Variants in MCM8 observed in about 807,000 individuals in gnomAD.
The protein encoded by MCM8 is minichromosome maintenance 8 homologous recombination repair factor, also known as DNA helicase MCM8.
MCM8 carries 85 observed loss-of-function variants against 98.9 expected under a neutral mutation model. That is an observed-to-expected ratio of 0.86 (90% CI 0.72 to 1.03). The LOEUF (loss-of-function observed/expected upper bound fraction) is 1.03. Ranked by LOEUF, MCM8 falls within the 50% of genes least tolerant of loss-of-function variation. The pLI is 0.00. For missense variants in MCM8, 951 were observed against 997.8 expected (o/e 0.95, Z 0.63); for synonymous variants, 352 against 338.6 (o/e 1.04, Z -0.44).
intron 13 of MCM8, among the ~76,000 whole-genome samples, chr20:5,980,250 C>T (rs1349798456): frequency 6.6e-6 from 1 of 152,190 alleles, no homozygotes; most frequent in African/African-American, 2.4e-5. Flanking sequence ...GCACTTTTTA[C>T]CTTCTATATT....
chr20:5,980,050 G>A (rs1669741730), intron 13 of MCM8, among the ~76,000 whole-genome samples: 1 of 152,082 alleles, frequency 6.6e-6, no homozygotes, highest in African/African-American at 2.4e-5. Context: ...TGTTCTGTTT[G>A]CCTGGAATGT....
chr20:5,961,052 G>A (rs2089130570), intron 7 of MCM8, among the ~76,000 whole-genome samples: 1 of 152,132 alleles, frequency 6.6e-6, no homozygotes, highest in Admixed American at 6.5e-5. Context: ...TTGTCCATCT[G>A]GAATTTAAGC....
intron 5 of MCM8, among the ~76,000 whole-genome samples, chr20:5,956,639 C>T (rs936957346): frequency 3.3e-5 from 5 of 151,990 alleles, no homozygotes; most frequent in Admixed American, 2.6e-4. Context: ...GGGGATCCAC[C>T]CACTTTGGCC....
At chr20:5,954,990 A>G (rs1436203339) in intron 4 of MCM8, 112 bp from the exon 5 acceptor site, 1 of 739,900 alleles carries the variant, frequency 1.4e-6, no homozygotes, top group Non-Finnish European at 2.2e-6. Context: ...CATACTTACC[A>G]TTATCACATA....
chr20:5,977,844 G>A, intron 12 of MCM8, 32 bp from the exon 13 acceptor site: 2 of 1,609,394 alleles, frequency 1.2e-6, no homozygotes, highest in Non-Finnish European at 1.7e-6. Flanking sequence ...CTTTTACTTT[G>A]GATGATTCTC....
chr20:5,968,079 CT>C (rs2089317641), intron 10 of MCM8, 54 bp downstream of exon 10: 6 of 1,503,182 alleles, frequency 4.0e-6, no homozygotes, highest in Non-Finnish European at 5.4e-6. Flanking sequence ...TGGGGGTTCT[CT>C]TGGCTACAGG....
At chr20:5,971,052 A>G (rs913850353) in intron 10 of MCM8, among the ~76,000 whole-genome samples, 4 of 152,026 alleles carry the variant, frequency 2.6e-5, no homozygotes, top group Admixed American at 6.6e-5. Flanking sequence ...GGGCTGAAGC[A>G]GTTCTTCCAC....
intron 18 of MCM8, 114 bp downstream of exon 18, chr20:5,993,809 G>A (rs2089902076): frequency 3.6e-6 from 3 of 835,398 alleles, no homozygotes; most frequent in South Asian, 2.4e-5. Flanking sequence ...TCTTCTCAAA[G>A]GTTTTCAGCA....
rs528291402 is a variant in MCM8, at chr20:5,958,633, G to C, written c.696G>C (p.Lys232Asn). ...RGTVVRVSNI[K>N]PLCTKMAFLC... is the part of the protein sequence containing the mutation. ...CAGTGGTTCGTGTCAGTAATATAAA[G>C]CCTCTTTGCACCAAGATGGCTTTTC... The change falls in exon 7 of 19, where the codon AAG becomes AAC. Residue 232 changes from lysine to asparagine, a missense_variant. Lys to Asn is a moderately conservative substitution (Grantham distance 94). Coordinates refer to ENST00000610722, the MANE Select transcript of MCM8 (RefSeq NM_032485.6). 6.2e-7 allele frequency: 1 copy of C among 1,614,138 alleles called. No individual in the cohort carries two copies. The highest frequency in any genetic ancestry group is 2.2e-5 in the East Asian group (1 of 44,874).
At chr20:5,965,643 A>AG (rs1372232181) in intron 8 of MCM8, 1 of 152,208 alleles carries the variant, frequency 6.6e-6, no homozygotes, top group Non-Finnish European at 1.5e-5. Flanking sequence ...TGACTCAAGC[A>AG]TCAAATTATC....
At chr20:5,960,933 C>T (rs1372608364) in intron 7 of MCM8, among the ~76,000 whole-genome samples, 1 of 151,902 alleles carries the variant, frequency 6.6e-6, no homozygotes, top group Non-Finnish European at 1.5e-5. Context: ...GAAACTCCGC[C>T]TCAAAAAATA....
At chr20:5,963,655 GT>G (rs1232062102) in intron 8 of MCM8, among the ~76,000 whole-genome samples, 2 of 151,272 alleles carry the variant, frequency 1.3e-5, no homozygotes, top group Non-Finnish European at 2.9e-5. Context: ...AGCCTCCTGA[GT>G]AGCTGGGACT....
In MCM8 at chr20:5,977,944, G is replaced by C; in HGVS notation, c.1464G>C (p.Thr488=). 1 of 1,614,194 alleles carries C rather than the reference G, an allele frequency of 6.2e-7. No individual in the cohort carries two copies. Among genetic ancestry groups the C allele is most frequent in the Middle Eastern group, 1.6e-4 (1 of 6,062 alleles). Residue 488 remains threonine (T), a synonymous_variant, in exon 13 of 19, where the codon ACG becomes ACC. Transcript: ENST00000610722. ...CGNTTTTSGL[T]VTLSKDSSSG... ...ACACCACGACCACCTCTGGTCTGAC[G>C]GTAACTCTTTCAAAAGATAGTTCCT... is the stretch of plus-strand genomic sequence containing the variant.
chr20:5,970,028 G>A (rs915472019), intron 10 of MCM8, among the ~76,000 whole-genome samples: 2 of 152,158 alleles, frequency 1.3e-5, no homozygotes, highest in African/African-American at 4.8e-5. Flanking sequence ...TGTGATTTCA[G>A]CATCAAAACT....
intron 13 of MCM8, among the ~76,000 whole-genome samples, chr20:5,982,641 GTGTA>G (rs1377763740): frequency 6.6e-6 from 1 of 152,176 alleles, no homozygotes; most frequent in African/African-American, 2.4e-5. Context: ...GTGTTTGTGT[GTGTA>G]TGTAACATCA....
chr20:5,969,014 G>A (rs2089341579), intron 10 of MCM8, among the ~76,000 whole-genome samples: 1 of 152,162 alleles, frequency 6.6e-6, no homozygotes, highest in African/African-American at 2.4e-5. Flanking sequence ...CCTGCTTTGG[G>A]CATTTACTTC....
Position 5,967,470 on chromosome 20 carries a change from G to A in MCM8, c.910G>A (p.Ala304Thr). 4 of 1,613,996 alleles carry A rather than the reference G, an allele frequency of 2.5e-6. No individual in the cohort carries two copies. Among genetic ancestry groups the A allele is most frequent in the Non-Finnish European group, 3.4e-6 (4 of 1,179,922 alleles). The change falls in exon 9 of 19, where the codon GCA becomes ACA. Residue 304 changes from alanine (A) to threonine (T), a missense_variant. Physicochemically the swap from Ala to Thr is moderately conservative, Grantham distance 58. Transcript: ENST00000610722. ...ATTGATGTCTGATGATCAGAGAGAA[G>A]CAGGTCGGATTCCACGAACAATAGA... ...QELMSDDQRE[A>T]GRIPRTIECE...
intron 17 of MCM8, 63 bp downstream of exon 17, chr20:5,987,421 G>C (rs2089756906): frequency 2.2e-6 from 3 of 1,368,148 alleles, no homozygotes; most frequent in African/African-American, 1.5e-5. Context: ...CTCAAATTAG[G>C]TAATAGGCCA....
At chr20:5,954,816 T>TA (rs1189642318) in intron 4 of MCM8, 126 bp downstream of exon 4, 11 of 620,604 alleles carry the variant, frequency 1.8e-5, no homozygotes, top group Non-Finnish European at 3.1e-5. Flanking sequence ...TTCTGCCACT[T>TA]ACCTGCAGTA....
Sources: allele counts gnomAD v4.1 joint callset (sites outside exome capture counted in the v4.1 genomes callset), GRCh38; gene constraint gnomAD v4.1.1; transcripts MANE v1.5; gene names NCBI Gene and HGNC (gene_info 2026-07-23, HGNC 2026-07-21).